The following CFAP410 variants were observed in gnomAD, a reference collection of about 807,000 sequenced individuals.
CFAP410 encodes the protein cilia and flagella associated protein 410, also known as cilia- and flagella-associated protein 410.
CFAP410 carries 27 observed loss-of-function variants against 25.7 expected under a neutral mutation model. The observed-to-expected ratio is 1.05, with a 90% CI of 0.77 to 1.45. The LOEUF (loss-of-function observed/expected upper bound fraction) is 1.45, where lower values mean the gene tolerates loss of function less well. Among genes scored for constraint, CFAP410 ranks in the 40% most tolerant of loss-of-function variants. CFAP410 has a pLI of 0.00. For synonymous variants in CFAP410, 178 were observed against 158.4 expected, an observed-to-expected ratio of 1.12 and a Z score of -0.93; for missense variants, 428 against 354.1, an observed-to-expected ratio of 1.21 and a Z score of -1.67.
In CFAP410 at chr21:44,329,921, C is replaced by T. The variant is rs998860290; in HGVS notation, c.*277G>A. 14 of 414,778 alleles carry T rather than the reference C, an allele frequency of 3.4e-5. No homozygotes were observed. The highest frequency in any genetic ancestry group is 6.2e-4 in the Middle Eastern group (1 of 1,616). 25.7% of individuals were successfully genotyped at this position (414,778 alleles called of 1,614,324 possible). A position where few individuals can be genotyped will look rare whatever the true frequency, so the allele number is the denominator to read the frequency against. On this transcript the variant is annotated 3_prime_UTR_variant, in exon 7 of 7. Transcript: ENST00000339818. The stretch of plus-strand genomic sequence containing the variant: ...TGGGAAAATCTTTTATTAGGGAGGA[C>T]AGCCTGCAAAATCCTCCCTTTAAGA...
chr21:44,333,490 C>T (rs1229704763), intron 3 of CFAP410: 7 of 589,378 alleles, frequency 1.2e-5, no homozygotes, highest in Non-Finnish European at 1.8e-5. Context: ...ACCCCACCAG[C>T]AACAGCCCCT....
chr21:44,337,528 T>C, intron 2 of CFAP410, 121 bp downstream of exon 2: 1 of 798,898 alleles, frequency 1.3e-6, no homozygotes, highest in South Asian at 1.6e-5. Context: ...AGTGTGGGAC[T>C]GAATTGATAG....
In CFAP410 at chr21:44,330,321, G is replaced by A. The variant is rs557148585; in HGVS notation, c.648C>T (p.Val216=). The A allele has an allele frequency of 1.6e-5, 25 of 1,610,246 alleles. No homozygotes were observed. Among genetic ancestry groups the A allele is most frequent in the Admixed American group, 6.7e-5 (4 of 59,944 alleles). The part of the protein sequence containing the change: ...DASSSHRGRN[V]LTAILLLLRE... ...GCAGCAGCAGCAGGATGGCAGTCAG[G>A]ACGTTCTGAGGGCAGAGGGGTGCGG... is the stretch of plus-strand genomic sequence containing the variant. Residue 216 remains valine, a synonymous_variant, in exon 7 of 7, where the codon GTC becomes GTT. Coordinates refer to ENST00000339818, the MANE Select transcript of CFAP410 (RefSeq NM_004928.3).
rs764481128 is a variant in CFAP410, at chr21:44,332,059, G to A, written c.374-45C>T. The A allele has an allele frequency of 2.4e-5, 37 of 1,524,912 alleles. No homozygotes were observed. The East Asian group carries it at 3.5e-4, about 15-fold the overall frequency. 94.5% of individuals were successfully genotyped at this position (1,524,912 alleles called of 1,614,324 possible). A position where few individuals can be genotyped will look rare whatever the true frequency, so the allele number is the denominator to read the frequency against. On this transcript the variant is annotated intron_variant, in intron 4 of 6. Coordinates refer to ENST00000339818, the MANE Select transcript of CFAP410 (RefSeq NM_004928.3). ...AGACAGCATGAGTGGCCTCACCCAC[G>A]TGCAGGCCACATGCACTGCAGCTCC...
chr21:44,331,893 G>A lies in CFAP410; in HGVS notation c.495C>T (p.Ser165=). Residue 165 remains serine (S), a synonymous_variant, in exon 5 of 7, where the codon AGC becomes AGT. Coordinates refer to ENST00000339818, the MANE Select transcript of CFAP410 (RefSeq NM_004928.3). ...PKLCCTLSSL[S]SAAETGRDPL... is the part of the protein sequence containing the mutation. ...GGTCCCGGCCAGTCTCAGCAGCGGA[G>A]CTGAGGGAGCTCAGTGTGCAGCATA... 1 of 1,612,966 alleles carries A rather than the reference G, an allele frequency of 6.2e-7. No individual in the cohort carries two copies. The highest frequency in any genetic ancestry group is 8.5e-7 in the Non-Finnish European group (1 of 1,179,800).
In CFAP410 at chr21:44,335,509, C is replaced by T. The variant is rs1054024568; in HGVS notation, c.143+249G>A. On this transcript the variant is annotated intron_variant, in intron 3 of 6. Coordinates refer to ENST00000339818, the MANE Select transcript of CFAP410 (RefSeq NM_004928.3). ...CACAGGCCAAGGGTGGGCAGGCGTA[C>T]AGCAGGGCAGGCAGGGGACAGGAGC... 18 of 578,612 alleles carry T rather than the reference C, an allele frequency of 3.1e-5. No individual in the cohort carries two copies. The Admixed American group carries it at 5.1e-4, about 16-fold the overall frequency. 35.8% of individuals were successfully genotyped at this position (578,612 alleles called of 1,614,324 possible).
chr21:44,334,135 CCGA>C (rs1284574310), intron 3 of CFAP410: 2 of 456,190 alleles, frequency 4.4e-6, no homozygotes, highest in African/African-American at 4.0e-5. Flanking sequence ...GCGTGATGTA[CCGA>C]CCGCGTCCGC....
chr21:44,335,684 T>A, intron 3 of CFAP410, 74 bp downstream of exon 3: 1 of 1,152,958 alleles, frequency 8.7e-7, no homozygotes, highest in South Asian at 1.3e-5. Flanking sequence ...CAGTGCTGGG[T>A]CCCACTGGAG....
intron 3 of CFAP410, chr21:44,335,401 C>T (rs1373723759): frequency 3.9e-5 from 12 of 305,778 alleles, no homozygotes; most frequent in South Asian, 2.2e-4. Context: ...ACCGTGGGGG[C>T]GGCCAGGGCG....
At chr21:44,333,604 T>A (rs1341981171) in intron 3 of CFAP410, 2 of 418,440 alleles carry the variant, frequency 4.8e-6, no homozygotes, top group Admixed American at 8.0e-5. Context: ...TCAGGGGACA[T>A]ATCATGTTGC....
chr21:44,332,566 C>T (rs1007229691), intron 4 of CFAP410: 9 of 171,182 alleles, frequency 5.3e-5, no homozygotes, highest in Admixed American at 1.8e-4. Flanking sequence ...GCAGGCACTG[C>T]GGTGCTGGGA....
intron 4 of CFAP410, 188 bp downstream of exon 4, chr21:44,332,845 A>G: frequency 1.7e-6 from 1 of 604,380 alleles, no homozygotes; most frequent in Non-Finnish European, 3.0e-6. Flanking sequence ...GCGCTGCTGC[A>G]TTCGGGTGGC....
chr21:44,339,358 G>A lies in CFAP410; in HGVS notation c.-164C>T. 2 of 426,106 alleles carry A rather than the reference G, an allele frequency of 4.7e-6. No individual in the cohort carries two copies. The highest frequency in any genetic ancestry group is 8.2e-6 in the Non-Finnish European group (2 of 243,342). The allele number at this position is 426,106 out of a possible 1,614,324, so 26.4% of individuals were successfully genotyped here. A position where few individuals can be genotyped will look rare whatever the true frequency, so the allele number is the denominator to read the frequency against. On this transcript the variant is annotated 5_prime_UTR_variant, in exon 1 of 7. Coordinates refer to ENST00000339818, the MANE Select transcript of CFAP410 (RefSeq NM_004928.3). ...AGAGCGGGGCGACGCGAGCCCGCTGGGGCCGCTTGGGCGCCGCTGACACGT... is the reference window on the plus strand; with the variant it reads ...AGAGCGGGGCGACGCGAGCCCGCTGAGGCCGCTTGGGCGCCGCTGACACGT...
intron 2 of CFAP410, among the ~76,000 whole-genome samples, chr21:44,337,241 T>C (rs898687201): frequency 1.3e-5 from 2 of 152,124 alleles, no homozygotes; most frequent in African/African-American, 2.4e-5. Context: ...TGCCTGCCTT[T>C]GGGGCAGCGG....
At chr21:44,336,255 C>T (rs188536480) in intron 2 of CFAP410, among the ~76,000 whole-genome samples, 32 of 152,324 alleles carry the variant, frequency 2.1e-4, no homozygotes, top group East Asian at 7.7e-4. Flanking sequence ...CCTCCTTGCA[C>T]GCACTCTGTC....
At position 44,335,763 on chromosome 21, in the gene CFAP410, C is replaced by T. The variant is rs146104157; in HGVS notation, c.138G>A (p.Thr46=). 5.2e-4 allele frequency: 823 copies of T among 1,589,600 alleles called. 4 individuals carry two copies. The African/African-American group carries it at 9.3e-3, about 18-fold the overall frequency. The change falls in exon 3 of 7, where the codon ACG becomes ACA. Residue 46 remains threonine (T), a synonymous_variant. Coordinates refer to ENST00000339818, the MANE Select transcript of CFAP410 (RefSeq NM_004928.3). Reference sequence around the variant, plus strand: ...TGACAGCAGGAGCGAGGTACCTGAGCGTGATCACCTCCAGGCTGGGCATCT... The same window carrying T: ...TGACAGCAGGAGCGAGGTACCTGAGTGTGATCACCTCCAGGCTGGGCATCT... ...CQEMPSLEVI[T]LSVNSISTLE...
intron 6 of CFAP410, chr21:44,330,617 C>T: frequency 6.5e-7 from 1 of 1,550,028 alleles, no homozygotes; most frequent in Admixed American, 2.0e-5. Context: ...CAGGACGGCT[C>T]CGTGCGGGGC....
chr21:44,333,090 G>T lies in CFAP410; in HGVS notation c.316C>A (p.Arg106Ser), dbSNP rs151236255. 6.2e-7 allele frequency: 1 copy of T among 1,609,424 alleles called. No individual in the cohort carries two copies. The highest frequency in any genetic ancestry group is 1.1e-5 in the South Asian group (1 of 90,696). ...ENPCCGTSPHRYRMTVLRTLP... is the reference protein window; with the variant it reads ...ENPCCGTSPHSYRMTVLRTLP... ...GTGCGCAGCACGGTCATGCGGTAGC[G>T]GTGGGGGCTGGTGCCGCAGCACGGG... is the stretch of plus-strand genomic sequence containing the variant. Residue 106 changes from arginine to serine, a missense_variant, in exon 4 of 7, where the codon CGC becomes AGC. By Grantham distance (110) the Arg-to-Ser change is moderately radical (BLOSUM62 -1). Transcript: ENST00000339818.
At position 44,330,171 on chromosome 21, in the gene CFAP410, G is replaced by A. The variant is rs1163744321; in HGVS notation, c.*27C>T. 1.9e-6 allele frequency: 3 copies of A among 1,545,848 alleles called. No homozygotes were observed. The highest frequency in any genetic ancestry group is 2.6e-6 in the Non-Finnish European group (3 of 1,151,472). On this transcript the variant is annotated 3_prime_UTR_variant, in exon 7 of 7. Coordinates refer to ENST00000339818, the MANE Select transcript of CFAP410 (RefSeq NM_004928.3). ...GGGAAGACGCTGGGGTCCCCGTGGA[G>A]GCTGGAGCGGCGTTCAGGTCCTGCG...
Sources: allele counts gnomAD v4.1 joint callset (sites outside exome capture counted in the v4.1 genomes callset), GRCh38; gene constraint gnomAD v4.1.1; transcripts MANE v1.5; gene names NCBI Gene and HGNC (gene_info 2026-07-23, HGNC 2026-07-21).